Variants in SLC14A2 observed in about 807,000 individuals in gnomAD.
SLC14A2 encodes urea transporter 2.
In SLC14A2, 91 loss-of-function variants were observed where a neutral mutation model predicts 104.6. The observed-to-expected ratio is 0.87, with a 90% CI of 0.73 to 1.04. SLC14A2 has a LOEUF of 1.04. SLC14A2 is among the 50% of genes least tolerant of loss of function. The pLI, the probability that SLC14A2 is intolerant of heterozygous loss-of-function variation, is 0.00. For missense variants in SLC14A2, 1,189 were observed against 1,156.0 expected (o/e 1.03, Z -0.41); for synonymous variants, 476 against 466.4 (o/e 1.02, Z -0.27).
At chr18:45,616,975 G>A (rs183240925) in intron 1 of SLC14A2, among the ~76,000 whole-genome samples, 3 of 152,266 alleles carry the variant, frequency 2.0e-5, no homozygotes, top group Non-Finnish European at 4.4e-5. Flanking sequence ...GTGTGCGCCG[G>A]TAGTCCCAGC....
chr18:45,251,668 T>C (rs1169979286), intron 1 of SLC14A2, among the ~76,000 whole-genome samples: 1 of 152,246 alleles, frequency 6.6e-6, no homozygotes, highest in Non-Finnish European at 1.5e-5. Context: ...GCCTTCCCTC[T>C]GTAAGGTATG....
At chr18:45,453,749 C>A (rs2086893224) in intron 1 of SLC14A2, among the ~76,000 whole-genome samples, 1 of 151,954 alleles carries the variant, frequency 6.6e-6, no homozygotes, top group African/African-American at 2.4e-5. Flanking sequence ...GGGACTCAAA[C>A]ATGCACATCT....
intron 1 of SLC14A2, among the ~76,000 whole-genome samples, chr18:45,361,412 G>T (rs985041058): frequency 6.6e-6 from 1 of 152,044 alleles, no homozygotes; most frequent in African/African-American, 2.4e-5. Flanking sequence ...CCACATTTTG[G>T]TCCTACCCAG....
intron 2 of SLC14A2, among the ~76,000 whole-genome samples, chr18:45,510,934 C>T (rs2043357699): frequency 6.6e-6 from 1 of 152,190 alleles, no homozygotes; most frequent in Non-Finnish European, 1.5e-5. Context: ...ACACCAAATG[C>T]TGTTATTTTT....
the SLC14A2 span, among the ~76,000 whole-genome samples, chr18:45,190,533 AT>A: frequency 1.2e-3 from 187 of 152,262 alleles, 1 homozygote; most frequent in African/African-American, 4.0e-3. Flanking sequence ...GGGTTTGAGG[AT>A]TAGCATTTCA....
At chr18:45,658,270 G>A (rs953464794) in intron 10 of SLC14A2, among the ~76,000 whole-genome samples, 17 of 152,110 alleles carry the variant, frequency 1.1e-4, no homozygotes, top group African/African-American at 3.9e-4. Context: ...CCCTAGGAGA[G>A]AGTAAATCTT....
chr18:45,612,427 A>G (rs1457260285), upstream of SLC14A2, among the ~76,000 whole-genome samples: 1 of 152,234 alleles, frequency 6.6e-6, no homozygotes. Context: ...GGGTTCTTGG[A>G]CAATGGCCCT....
chr18:45,680,748 C>T (rs1158066898), intron 19 of SLC14A2, among the ~76,000 whole-genome samples: 1 of 152,216 alleles, frequency 6.6e-6, no homozygotes, highest in African/African-American at 2.4e-5. Flanking sequence ...ATTGAGGTCT[C>T]AGAAAGATTA....
intron 2 of SLC14A2, among the ~76,000 whole-genome samples, chr18:45,499,103 C>A (rs1028549553): frequency 2.0e-5 from 3 of 152,178 alleles, no homozygotes; most frequent in Non-Finnish European, 2.9e-5. Context: ...ACCACCACCA[C>A]CTTCATTTTT....
At chr18:45,238,360 C>CT (rs2144042860) in intron 1 of SLC14A2, among the ~76,000 whole-genome samples, 1 of 152,328 alleles carries the variant, frequency 6.6e-6, no homozygotes, top group East Asian at 1.9e-4. Context: ...AGTCCGGTCT[C>CT]TGCAAACCTG....
intron 2 of SLC14A2, among the ~76,000 whole-genome samples, chr18:45,591,229 A>G (rs1175619670): frequency 6.6e-6 from 1 of 152,174 alleles, no homozygotes; most frequent in African/African-American, 2.4e-5. Flanking sequence ...ATCTAAGCCA[A>G]TGCTTCTCCA....
At position 45,292,998 on chromosome 18, in the gene SLC14A2, C is replaced by T. The variant is rs866066228; in HGVS notation, c.-125+79807C>T. 7.2e-5 allele frequency among the ~76,000 whole-genome samples: 11 copies of T among 151,766 alleles called. No individual in the cohort carries two copies. In the East Asian group the frequency reaches 1.9e-3, roughly 27 times the overall value. ...TGTTGCTTGACACCGCCCCTGCCCC[C>T]CCGCAAAAAAAAAGTGACTCCGTCC... On this transcript the variant is annotated intron_variant, in intron 1 of 20. Transcript: ENST00000586448.
intron 6 of SLC14A2, among the ~76,000 whole-genome samples, chr18:45,637,413 G>A (rs1017324103): frequency 2.6e-5 from 4 of 152,124 alleles, no homozygotes; most frequent in African/African-American, 2.4e-5. Flanking sequence ...GATAATACAA[G>A]ACAATGACAT....
chr18:45,258,191 C>T (rs1225011829), intron 1 of SLC14A2, among the ~76,000 whole-genome samples: 6 of 144,426 alleles, frequency 4.2e-5, no homozygotes, highest in Non-Finnish European at 7.6e-5. Flanking sequence ...GTGATTTGAA[C>T]GAGGCTGACT....
At chr18:45,210,518 G>T (rs1204121692), upstream of SLC14A2, among the ~76,000 whole-genome samples, 1 of 152,218 alleles carries the variant, frequency 6.6e-6, no homozygotes, top group Admixed American at 6.5e-5. Context: ...GTTCGAGGCT[G>T]CAGTGAGCGA....
chr18:45,330,186 C>T (rs76030480), intron 1 of SLC14A2, among the ~76,000 whole-genome samples: 2,933 of 152,244 alleles, frequency 0.019, 42 homozygotes, highest in South Asian at 0.041. Flanking sequence ...GATATCCCAG[C>T]CAGCTCATTC....
intron 1 of SLC14A2, among the ~76,000 whole-genome samples, chr18:45,265,945 C>T (rs2084588083): frequency 6.6e-6 from 1 of 152,136 alleles, no homozygotes; most frequent in African/African-American, 2.4e-5. Context: ...GTACCTTCCA[C>T]TAGGCAGAGA....
rs201689133 is a variant in SLC14A2 at position 45,667,077 on chromosome 18, G to T, written c.1700G>T (p.Cys567Phe). The T allele has an allele frequency of 1.6e-5, 26 of 1,613,638 alleles. No individual in the cohort carries two copies. The African/African-American group carries it at 2.7e-4, about 17-fold the overall frequency. The change falls in exon 13 of 20, where the codon TGT becomes TTT. Residue 567 changes from cysteine to phenylalanine, a missense_variant. By Grantham distance (205) the Cys-to-Phe change is radical. Transcript: ENST00000255226. ...TACATCACAGGAGAGATGAAGGAGTGTGGAGAGGGACTTAAAGGTAAAATT... is the reference window on the plus strand; with the variant it reads ...TACATCACAGGAGAGATGAAGGAGTTTGGAGAGGGACTTAAAGGTAAAATT... Reference protein sequence around the residue: ...LSYITGEMKECGEGLKDKSPV... With the variant: ...LSYITGEMKEFGEGLKDKSPV...
At chr18:45,657,163 C>A (rs1159966039) in intron 10 of SLC14A2, among the ~76,000 whole-genome samples, 2 of 152,056 alleles carry the variant, frequency 1.3e-5, no homozygotes, top group African/African-American at 4.8e-5. Context: ...TATTCCAAAG[C>A]AGAGTTGAAT....
Sources: allele counts gnomAD v4.1 joint callset (sites outside exome capture counted in the v4.1 genomes callset), GRCh38; gene constraint gnomAD v4.1.1; transcripts MANE v1.5; gene names NCBI Gene and HGNC (gene_info 2026-07-23, HGNC 2026-07-21).